Variants in DRC4 observed in about 807,000 individuals in gnomAD.
DRC4 encodes the protein dynein regulatory complex subunit 4, also known as GAS-11.
At chr16:90,032,837 T>A in the DRC4 span, 2 of 1,613,412 alleles carry the variant, frequency 1.2e-6, no homozygotes, top group African/African-American at 2.7e-5. Flanking sequence ...TACAGGAGAG[T>A]GTGCTGCGCA....
the DRC4 span, chr16:90,031,406 A>C: frequency 6.2e-7 from 1 of 1,613,830 alleles, no homozygotes; most frequent in Non-Finnish European, 8.5e-7. Flanking sequence ...GGGAGATCAC[A>C]CGGAGGCAGC....
chr16:90,027,903 C>T, the DRC4 span: 1 of 604,612 alleles, frequency 1.7e-6, no homozygotes, highest in Non-Finnish European at 3.0e-6. Flanking sequence ...CATGTCTTTT[C>T]AGAAAGGTAG....
the DRC4 span, chr16:90,040,374 C>A: frequency 6.2e-7 from 1 of 1,610,326 alleles, no homozygotes; most frequent in Non-Finnish European, 8.5e-7. Context: ...AGACAGGGTT[C>A]AAGAACCTCG....
chr16:90,039,526 C>T, the DRC4 span, among the ~76,000 whole-genome samples: 5 of 151,990 alleles, frequency 3.3e-5, no homozygotes, highest in South Asian at 1.0e-3. Context: ...GCTGGGATTA[C>T]AGGCGCCTGC....
the DRC4 span, among the ~76,000 whole-genome samples, chr16:90,038,590 T>C: frequency 7.5e-4 from 115 of 152,338 alleles, 4 homozygotes; most frequent in South Asian, 0.013. Context: ...TTGTTGAGTC[T>C]GAGGGTTCTG....
chr16:90,043,102 G>A, the DRC4 span: 1 of 1,399,638 alleles, frequency 7.1e-7, no homozygotes, highest in Non-Finnish European at 9.7e-7. Context: ...TCTGCACCGT[G>A]ATGCTCACGC....
the DRC4 span, among the ~76,000 whole-genome samples, chr16:90,026,355 G>A: frequency 1.1e-4 from 16 of 152,258 alleles, no homozygotes; most frequent in South Asian, 1.7e-3. Flanking sequence ...CACGCACGAC[G>A]CCATGTGCAG....
chr16:90,030,348 A>G, the DRC4 span, among the ~76,000 whole-genome samples: 5 of 151,714 alleles, frequency 3.3e-5, no homozygotes, highest in Middle Eastern at 3.4e-3. Context: ...ATATTTATTT[A>G]TTTATTGTTT....
the DRC4 span, chr16:90,044,404 C>G: frequency 9.1e-6 from 4 of 441,800 alleles, no homozygotes; most frequent in Admixed American, 7.5e-5. Context: ...CAGGACCAGT[C>G]TGCCCACTGC....
At chr16:90,034,345 C>T in the DRC4 span, among the ~76,000 whole-genome samples, 7 of 152,102 alleles carry the variant, frequency 4.6e-5, no homozygotes, top group East Asian at 1.9e-4. Context: ...GGCTTTAGGC[C>T]GGGTGCGGTG....
At chr16:90,022,567 G>C in the DRC4 span, 2 of 784,340 alleles carry the variant, frequency 2.5e-6, no homozygotes, top group African/African-American at 3.6e-5. Flanking sequence ...CTCTAGGGAC[G>C]CACTCCCGCC....
chr16:90,043,200 A>C, the DRC4 span: 47 of 1,611,376 alleles, frequency 2.9e-5, no homozygotes, highest in South Asian at 5.1e-4. Context: ...CCACAGGCCC[A>C]TAACGACCTG....
At chr16:90,036,305 T>C in the DRC4 span, 1 of 1,348,934 alleles carries the variant, frequency 7.4e-7, no homozygotes, top group Non-Finnish European at 1.0e-6. Context: ...TGGGCCCGTT[T>C]ACAGGCTCCA....
the DRC4 span, chr16:90,037,332 C>T: frequency 4.3e-6 from 7 of 1,614,070 alleles, no homozygotes; most frequent in African/African-American, 1.3e-5. Flanking sequence ...CTCCAGAAGG[C>T]TCGGGAGGAG....
At chr16:90,041,535 G>A in the DRC4 span, among the ~76,000 whole-genome samples, 1 of 152,232 alleles carries the variant, frequency 6.6e-6, no homozygotes, top group African/African-American at 2.4e-5. Flanking sequence ...GCCGGGCGCG[G>A]TGGCTCACGC....
the DRC4 span, chr16:90,036,746 C>G: frequency 2.7e-6 from 2 of 747,344 alleles, no homozygotes; most frequent in South Asian, 3.0e-5. Context: ...AACTGAAATT[C>G]CTAAATAACG....
chr16:90,022,041 C>T, the DRC4 span: 1 of 152,190 alleles, frequency 6.6e-6, no homozygotes, highest in African/African-American at 2.4e-5. Flanking sequence ...TGTTTGTTTT[C>T]TGCAGGGCCT....
At chr16:90,044,194 G>A in the DRC4 span, 1 of 454,774 alleles carries the variant, frequency 2.2e-6, no homozygotes, top group South Asian at 1.6e-5. Flanking sequence ...AGGCAGTGAG[G>A]TTAGGCCCAG....
chr16:90,031,453 G>A, the DRC4 span: 4,175 of 1,600,554 alleles, frequency 2.6e-3, 10 homozygotes, highest in Non-Finnish European at 2.8e-3. Flanking sequence ...AACAAAGACC[G>A]GGAGATGGAA....
Sources: gnomAD v4.1 joint callset for allele counts (sites outside exome capture counted in the v4.1 genomes callset) on GRCh38, gnomAD v4.1.1 for gene constraint, MANE v1.5 for transcripts, NCBI Gene and HGNC (gene_info 2026-07-23, HGNC 2026-07-21) for gene names.